Variants in KPNA3 observed in about 807,000 individuals in gnomAD.
KPNA3 encodes the protein karyopherin subunit alpha 3, also known as importin subunit alpha-4.
A neutral mutation model predicts 73.8 loss-of-function variants in KPNA3; 13 were observed. The observed-to-expected ratio is 0.18, with a 90% CI of 0.11 to 0.28. The LOEUF (loss-of-function observed/expected upper bound fraction) is 0.28. Among genes scored for constraint, KPNA3 ranks in the 10% least tolerant of loss-of-function variants. KPNA3 has a pLI of 1.00. For synonymous variants in KPNA3, 186 were observed against 206.9 expected (o/e 0.90, Z 0.87); for missense variants, 360 against 618.1 (o/e 0.58, Z 4.43).
intron 1 of KPNA3, among the ~76,000 whole-genome samples, chr13:49,751,532 C>G (rs1213785413): frequency 6.6e-6 from 1 of 152,128 alleles, no homozygotes; most frequent in African/African-American, 2.4e-5. Flanking sequence ...TAAAATGTGT[C>G]AATGATTTTT....
intron 7 of KPNA3, among the ~76,000 whole-genome samples, chr13:49,723,665 G>A (rs1954381274): frequency 6.6e-6 from 1 of 151,066 alleles, no homozygotes; most frequent in Non-Finnish European, 1.5e-5. Context: ...AGGTCAAGAG[G>A]TTGAGACCAT....
chr13:49,786,827 C>T (rs1055481969), intron 1 of KPNA3, among the ~76,000 whole-genome samples: 1 of 152,094 alleles, frequency 6.6e-6, no homozygotes, highest in Non-Finnish European at 1.5e-5. Flanking sequence ...GGATCATAAA[C>T]AGGAAAGTAA....
chr13:49,744,235 G>C (rs543781737), intron 2 of KPNA3, among the ~76,000 whole-genome samples: 1 of 150,856 alleles, frequency 6.6e-6, no homozygotes, highest in East Asian at 1.9e-4. Flanking sequence ...AAGAAAAAAA[G>C]TTTAAAGTGT....
At chr13:49,758,077 A>G (rs1954726747) in intron 1 of KPNA3, among the ~76,000 whole-genome samples, 1 of 152,166 alleles carries the variant, frequency 6.6e-6, no homozygotes. Context: ...TAATTTCAAT[A>G]ATGTACATGA....
intron 1 of KPNA3, among the ~76,000 whole-genome samples, chr13:49,775,837 A>T (rs772113126): frequency 2.0e-5 from 3 of 152,184 alleles, no homozygotes; most frequent in Non-Finnish European, 4.4e-5. Context: ...CTGTTTGTTC[A>T]ATCGGACTTG....
chr13:49,720,426 A>G (rs777960752), intron 9 of KPNA3, among the ~76,000 whole-genome samples: 4 of 152,200 alleles, frequency 2.6e-5, no homozygotes, highest in Admixed American at 1.3e-4. Flanking sequence ...CATAGCAACA[A>G]AAAGTAGCAG....
At chr13:49,729,033 C>G (rs983680449) in intron 6 of KPNA3, among the ~76,000 whole-genome samples, 4 of 152,202 alleles carry the variant, frequency 2.6e-5, no homozygotes, top group African/African-American at 7.2e-5. Flanking sequence ...CCAGGACCCT[C>G]AGTTCTTTAG....
intron 1 of KPNA3, among the ~76,000 whole-genome samples, chr13:49,749,427 A>C (rs1954644022): frequency 6.6e-6 from 1 of 152,156 alleles, no homozygotes; most frequent in Non-Finnish European, 1.5e-5. Flanking sequence ...AAATACAGGC[A>C]CCTCGATTCT....
intron 10 of KPNA3, among the ~76,000 whole-genome samples, chr13:49,716,006 T>C (rs958037542): frequency 2.4e-5 from 1 of 41,798 alleles, no homozygotes; most frequent in Non-Finnish European, 5.9e-5. Flanking sequence ...AGCAGAAAAC[T>C]ATTTTTTTTT....
At chr13:49,701,980 A>G (rs1954152585) in intron 16 of KPNA3, 82 bp from the exon 17 acceptor site, 1 of 830,536 alleles carries the variant, frequency 1.2e-6, no homozygotes, top group African/African-American at 1.7e-5. Flanking sequence ...TTTACCTCTT[A>G]GCAAATAATT....
rs145756985 is a variant in KPNA3 at position 49,790,985 on chromosome 13, T to C, written c.69+1453A>G. On this transcript the variant is annotated intron_variant, in intron 1 of 16. Coordinates refer to ENST00000261667, the MANE Select transcript of KPNA3 (RefSeq NM_002267.4). Reference sequence around the variant, plus strand: ...CAATAACAGGAGGCAGTTCCAAAATTTCTTGTTCCTATTCCCAAGTTTTAC... The same window carrying C: ...CAATAACAGGAGGCAGTTCCAAAATCTCTTGTTCCTATTCCCAAGTTTTAC... 2.1e-3 allele frequency among the ~76,000 whole-genome samples: 314 copies of C among 152,358 alleles called. 1 individual carries two copies. Among genetic ancestry groups the C allele is most frequent in the African/African-American group, 5.7e-3 (239 of 41,580 alleles).
In KPNA3 at chr13:49,719,775, G is replaced by T; in HGVS notation, c.771C>A (p.Asn257Lys). The T allele has an allele frequency of 6.3e-7, 1 of 1,598,638 alleles. No individual in the cohort carries two copies. The highest frequency in any genetic ancestry group is 8.6e-7 in the Non-Finnish European group (1 of 1,168,082). ...ACATTTAAGCTGCTTCTTAACTTAC[G>T]TTTATATCTGTATGGTATATGAGGA... ...LCVLIYHTDI[N>K]ILVDTVWALS... The change falls in exon 10 of 17, where the codon AAC becomes AAA. Residue 257 changes from asparagine to lysine, a missense_variant and splice_region_variant. Physicochemically the swap from Asn to Lys is moderately conservative, Grantham distance 94. Coordinates refer to ENST00000261667, the MANE Select transcript of KPNA3 (RefSeq NM_002267.4).
intron 1 of KPNA3, among the ~76,000 whole-genome samples, chr13:49,786,390 A>G (rs1267460990): frequency 6.6e-6 from 1 of 152,250 alleles, no homozygotes; most frequent in Non-Finnish European, 1.5e-5. Context: ...AAATAGGTGA[A>G]GGAAAATTCA....
chr13:49,765,107 C>T (rs1051959023), intron 1 of KPNA3, among the ~76,000 whole-genome samples: 1 of 152,118 alleles, frequency 6.6e-6, no homozygotes, highest in Non-Finnish European at 1.5e-5. Flanking sequence ...CTCTACAAAC[C>T]CTTTCTAGGT....
At chr13:49,715,415 C>T (rs527573483) in intron 10 of KPNA3, among the ~76,000 whole-genome samples, 2 of 152,162 alleles carry the variant, frequency 1.3e-5, no homozygotes, top group Non-Finnish European at 2.9e-5. Context: ...TAATGTTCAA[C>T]GTCATTCATA....
At chr13:49,789,579 G>C (rs1409986908) in intron 1 of KPNA3, among the ~76,000 whole-genome samples, 1 of 152,114 alleles carries the variant, frequency 6.6e-6, no homozygotes, top group Non-Finnish European at 1.5e-5. Context: ...AGGCATCATA[G>C]CTTATCAAAG....
chr13:49,762,908 C>A (rs114872199), intron 1 of KPNA3, among the ~76,000 whole-genome samples: 26 of 111,282 alleles, frequency 2.3e-4, no homozygotes, highest in African/African-American at 9.1e-4. Flanking sequence ...AAAGTTTACA[C>A]CAAGGCTGGC....
intron 1 of KPNA3, among the ~76,000 whole-genome samples, chr13:49,774,102 GC>G (rs1954877234): frequency 6.6e-6 from 1 of 150,866 alleles, no homozygotes; most frequent in African/African-American, 2.4e-5. Context: ...ATGGGGTTCT[GC>G]CATATTGCCC....
At chr13:49,733,650 C>G (rs1954492799) in intron 2 of KPNA3, among the ~76,000 whole-genome samples, 1 of 152,182 alleles carries the variant, frequency 6.6e-6, no homozygotes. Context: ...CAGTAATTCC[C>G]CTTCCCATAT....
Sources: gnomAD v4.1 joint callset for allele counts (sites outside exome capture counted in the v4.1 genomes callset) on GRCh38, gnomAD v4.1.1 for gene constraint, MANE v1.5 for transcripts, NCBI Gene and HGNC (gene_info 2026-07-23, HGNC 2026-07-21) for gene names.